MECOM: variants seen among roughly 807,000 people sequenced by gnomAD.
MECOM encodes the protein histone-lysine N-methyltransferase MECOM.
MECOM carries 13 observed loss-of-function variants against 116.3 expected under a neutral mutation model. That is an observed-to-expected ratio of 0.11 (90% CI 0.07 to 0.18). The LOEUF (loss-of-function observed/expected upper bound fraction) is 0.18, where lower values mean the gene tolerates loss of function less well. Among genes scored for constraint, MECOM ranks in the 10% least tolerant of loss-of-function variants. The pLI is 1.00. For missense variants in MECOM, 1,299 were observed against 1,509.0 expected (o/e 0.86, Z 2.31); for synonymous variants, 528 against 535.2 (o/e 0.99, Z 0.19).
intron 2 of MECOM, among the ~76,000 whole-genome samples, chr3:169,332,555 A>G (rs544422286): frequency 2.4e-4 from 37 of 152,278 alleles, no homozygotes; most frequent in South Asian, 6.2e-4. Context: ...TTGTCTTGGT[A>G]CGTACATGGT....
At position 169,416,136 on chromosome 3, in the gene MECOM, C is replaced by T. The variant is rs536791921; in HGVS notation, c.38-34612G>A. Among the ~76,000 whole-genome samples, 10 of 152,278 alleles carry T rather than the reference C, an allele frequency of 6.6e-5. No individual in the cohort carries two copies. In the South Asian group the frequency reaches 2.1e-3, roughly 32 times the overall value. ...CCATATAATTGGAAGTAAAACACTC[C>T]TCAGCAAATGCAAAAGAACAGAAAT... is the stretch of plus-strand genomic sequence containing the variant. On this transcript the variant is annotated intron_variant, in intron 1 of 16. Coordinates refer to ENST00000651503, the MANE Select transcript of MECOM (RefSeq NM_004991.4).
intron 1 of MECOM, among the ~76,000 whole-genome samples, chr3:169,478,810 A>AT (rs1398404594): frequency 6.6e-6 from 1 of 152,156 alleles, no homozygotes; most frequent in Non-Finnish European, 1.5e-5. Context: ...CATTTACGTC[A>AT]TTTTAGGCCC....
At position 169,116,304 on chromosome 3, in the gene MECOM, T is replaced by C. The variant is rs779320958; in HGVS notation, c.1568A>G (p.Lys523Arg). ...ATGTGTCATGAGGGGACTTTGACTT[T>C]TGTTTGTCTGTTCAGTACTTGATAG... ...KGLSSTEQTN[K>R]SQSPLMTHPQ... The change falls in exon 8 of 17, where the codon AAA becomes AGA. Residue 523 changes from lysine (K) to arginine (R), a missense_variant. Physicochemically the swap from Lys to Arg is conservative, Grantham distance 26. Coordinates refer to ENST00000651503, the MANE Select transcript of MECOM (RefSeq NM_004991.4). 1.2e-6 allele frequency: 2 copies of C among 1,614,196 alleles called. No homozygotes were observed. Among genetic ancestry groups the C allele is most frequent in the East Asian group, 2.2e-5 (1 of 44,882 alleles).
At chr3:169,603,833 C>G (rs1049646555) in intron 1 of MECOM, among the ~76,000 whole-genome samples, 12 of 152,180 alleles carry the variant, frequency 7.9e-5, no homozygotes, top group African/African-American at 2.9e-4. Context: ...TCTCAGAAAG[C>G]ATTCCCAAAC....
intron 1 of MECOM, among the ~76,000 whole-genome samples, chr3:169,477,475 A>G (rs1358124427): frequency 2.6e-5 from 4 of 152,144 alleles, no homozygotes; most frequent in Admixed American, 6.5e-5. Context: ...CAAGATTGTT[A>G]TAGGCTGCAG....
chr3:169,626,594 C>T (rs1423960982), intron 1 of MECOM, among the ~76,000 whole-genome samples: 3 of 152,172 alleles, frequency 2.0e-5, no homozygotes, highest in Admixed American at 6.5e-5. Flanking sequence ...CAGGGCCTGA[C>T]CTCCACACCA....
intron 1 of MECOM, among the ~76,000 whole-genome samples, chr3:169,506,142 T>C (rs760907519): frequency 5.3e-5 from 8 of 152,240 alleles, no homozygotes; most frequent in Middle Eastern, 3.2e-3. Context: ...GAACAGCTCG[T>C]TGCAGGCCGA....
chr3:169,442,458 A>T (rs1464603430), intron 1 of MECOM, among the ~76,000 whole-genome samples: 1 of 152,240 alleles, frequency 6.6e-6, no homozygotes, highest in African/African-American at 2.4e-5. Flanking sequence ...CACAGAAAAC[A>T]TAAGAGGTTG....
chr3:169,089,071 G>A lies in MECOM; in HGVS notation c.3514C>T (p.Leu1172=), dbSNP rs768323518. ...ACATGGGAAGTACTAAAAGAAGACA[G>A]CTCAGCTTCAGAATATTGATTATCT... ...MEDNQYSEAE[L]SSFSTSHVPE... The change falls in exon 16 of 17, where the codon CTG becomes TTG. Residue 1172 remains leucine, a synonymous_variant. Transcript: ENST00000651503. 6.2e-7 allele frequency: 1 copy of A among 1,610,566 alleles called. No individual in the cohort carries two copies.
intron 1 of MECOM, among the ~76,000 whole-genome samples, chr3:169,456,751 A>G (rs1214636257): frequency 1.3e-5 from 2 of 152,168 alleles, no homozygotes; most frequent in Non-Finnish European, 2.9e-5. Context: ...ACATAGCTGC[A>G]TGGTTATCTG....
chr3:169,404,202 TA>T (rs1056864152), intron 1 of MECOM, among the ~76,000 whole-genome samples: 9 of 151,876 alleles, frequency 5.9e-5, no homozygotes, highest in South Asian at 2.1e-4. Context: ...CTTCCTAGAT[TA>T]AAAAAAATAG....
intron 3 of MECOM, chr3:169,131,783 T>G (rs1172458213): frequency 1.6e-5 from 11 of 686,126 alleles, no homozygotes; most frequent in Non-Finnish European, 2.3e-5. Flanking sequence ...CAAATCAAAT[T>G]TTCTTAATGC....
intron 1 of MECOM, among the ~76,000 whole-genome samples, chr3:169,431,493 G>T (rs1454114762): frequency 6.6e-6 from 1 of 152,008 alleles, no homozygotes; most frequent in Admixed American, 6.6e-5. Flanking sequence ...AGAAATAAAG[G>T]TCCCTTGACC....
At chr3:169,348,924 A>C (rs967884328) in intron 2 of MECOM, among the ~76,000 whole-genome samples, 2 of 151,756 alleles carry the variant, frequency 1.3e-5, no homozygotes, top group Non-Finnish European at 2.9e-5. Flanking sequence ...TCAAATATTG[A>C]GTTGTTTTAC....
chr3:169,119,371 G>A (rs1030711541), intron 7 of MECOM, among the ~76,000 whole-genome samples: 8 of 152,234 alleles, frequency 5.3e-5, no homozygotes, highest in African/African-American at 7.2e-5. Context: ...TAAATTTGAA[G>A]AATGCCATCT....
intron 2 of MECOM, among the ~76,000 whole-genome samples, chr3:169,315,898 CAT>C (rs917254670): frequency 1.3e-5 from 2 of 151,976 alleles, no homozygotes; most frequent in Non-Finnish European, 2.9e-5. Context: ...AGCCCCATAA[CAT>C]AAAAAAAATT....
chr3:169,117,979 T>C (rs1220128418), intron 7 of MECOM, among the ~76,000 whole-genome samples: 1 of 152,196 alleles, frequency 6.6e-6, no homozygotes, highest in African/African-American at 2.4e-5. Flanking sequence ...TGTTGGTAAT[T>C]GTTGAAGCAA....
chr3:169,147,655 G>A, intron 2 of MECOM: 2 of 985,514 alleles, frequency 2.0e-6, no homozygotes, highest in Non-Finnish European at 2.4e-6. Context: ...GATCTCGCCA[G>A]GCAGGATTTC....
intron 2 of MECOM, among the ~76,000 whole-genome samples, chr3:169,290,818 C>T (rs1714400970): frequency 6.6e-6 from 1 of 152,088 alleles, no homozygotes; most frequent in African/African-American, 2.4e-5. Flanking sequence ...AGTTTTCGGT[C>T]TATGTTACAT....
Sources: gnomAD v4.1 joint callset for allele counts (sites outside exome capture counted in the v4.1 genomes callset) on GRCh38, gnomAD v4.1.1 for gene constraint, MANE v1.5 for transcripts, NCBI Gene and HGNC (gene_info 2026-07-23, HGNC 2026-07-21) for gene names.